STRN3: variants seen among roughly 807,000 people sequenced by gnomAD.
STRN3 encodes striatin-3.
In STRN3, 29 loss-of-function variants were observed where a neutral mutation model predicts 95.6. The observed-to-expected ratio is 0.30, with a 90% CI of 0.23 to 0.41. The LOEUF is 0.41. Ranked by LOEUF, STRN3 falls within the 10% of genes least tolerant of loss-of-function variation. The pLI, the probability that STRN3 is intolerant of heterozygous loss-of-function variation, is 1.00. For missense variants in STRN3, 890 were observed against 972.1 expected (o/e 0.92, Z 1.12); for synonymous variants, 331 against 357.6 (o/e 0.93, Z 0.84).
chr14:30,918,634 C>A (rs1370719460), intron 9 of STRN3, among the ~76,000 whole-genome samples: 2 of 151,926 alleles, frequency 1.3e-5, no homozygotes, highest in African/African-American at 4.8e-5. Context: ...GTAGTTTTTT[C>A]CATATGTATT....
At chr14:30,902,077 AG>A (rs1488022624) in intron 16 of STRN3, among the ~76,000 whole-genome samples, 1 of 145,002 alleles carries the variant, frequency 6.9e-6, no homozygotes, top group Non-Finnish European at 1.5e-5. Context: ...AGGCTGAGGC[AG>A]GATAATCGCT....
intron 1 of STRN3, among the ~76,000 whole-genome samples, chr14:30,957,259 C>T (rs1246499367): frequency 6.6e-6 from 1 of 152,082 alleles, no homozygotes; most frequent in Non-Finnish European, 1.5e-5. Flanking sequence ...TCGAGACCAT[C>T]CTGGCTAACA....
Position 30,933,265 on chromosome 14 carries a change from C to T in STRN3, c.988+1898G>A, listed in dbSNP as rs60843224. Among the ~76,000 whole-genome samples the T allele has an allele frequency of 5.2e-3, 491 of 94,920 alleles. 2 individuals are homozygous for T. The highest frequency in any genetic ancestry group is 0.019 in the African/African-American group (458 of 24,276). 62.3% of individuals were successfully genotyped at this position (94,920 alleles called of 152,430 possible). On this transcript the variant is annotated intron_variant, in intron 7 of 17. Transcript: ENST00000357479. Reference sequence around the variant, plus strand: ...CGGCACCCCAGCCTGGGCAATAAAGCGAGACCCTGTTTCATAAAAAAAAAA... The same window carrying T: ...CGGCACCCCAGCCTGGGCAATAAAGTGAGACCCTGTTTCATAAAAAAAAAA...
At chr14:31,021,053 T>C (rs1883482172) in intron 1 of STRN3, among the ~76,000 whole-genome samples, 1 of 152,062 alleles carries the variant, frequency 6.6e-6, no homozygotes. Context: ...TCACAGGCCA[T>C]ACGCAGGGGG....
At chr14:30,942,897 C>G (rs951384575) in intron 5 of STRN3, among the ~76,000 whole-genome samples, 3 of 152,162 alleles carry the variant, frequency 2.0e-5, no homozygotes, top group Admixed American at 1.3e-4. Flanking sequence ...ATTCCTTCCT[C>G]ACATCAATCC....
intron 1 of STRN3, among the ~76,000 whole-genome samples, chr14:30,966,519 G>C (rs1394305721): frequency 6.6e-6 from 1 of 152,146 alleles, no homozygotes. Flanking sequence ...TACCCAGTGC[G>C]AGGAATAACC....
intron 11 of STRN3, 48 bp downstream of exon 11, chr14:30,911,959 A>T (rs374693126): frequency 6.3e-7 from 1 of 1,583,804 alleles, no homozygotes; most frequent in Non-Finnish European, 8.6e-7. Flanking sequence ...AATTACTTAT[A>T]TTAGCAAAAT....
Position 30,947,172 on chromosome 14 carries a change from T to C in STRN3, c.634A>G (p.Asn212Asp), listed in dbSNP as rs1384429945. Residue 212 changes from asparagine to aspartate, a missense_variant, in exon 5 of 18, where the codon AAT becomes GAT. Physicochemically the swap from Asn to Asp is conservative, Grantham distance 23 (BLOSUM62 1). Coordinates refer to ENST00000357479, the MANE Select transcript of STRN3 (RefSeq NM_001083893.2). ...SLLGLSNSEP[N>D]GSVETKNLEQ... ...AAATTCTTTGTTTCTACTGATCCATTTGGTTCTGAATTAGATAGTCCAAGT... is the reference window on the plus strand; with the variant it reads ...AAATTCTTTGTTTCTACTGATCCATCTGGTTCTGAATTAGATAGTCCAAGT... The C allele has an allele frequency of 1.9e-6, 3 of 1,613,342 alleles. No homozygotes were observed. In the African/African-American group the frequency reaches 4.0e-5, roughly 22 times the overall value.
At chr14:30,993,488 T>C (rs1882059459) in intron 1 of STRN3, among the ~76,000 whole-genome samples, 1 of 152,180 alleles carries the variant, frequency 6.6e-6, no homozygotes, top group African/African-American at 2.4e-5. Flanking sequence ...TTCAAATGAC[T>C]TAAATATAAC....
At chr14:30,910,093 C>G (rs1330611296) in intron 13 of STRN3, among the ~76,000 whole-genome samples, 2 of 152,210 alleles carry the variant, frequency 1.3e-5, no homozygotes, top group African/African-American at 2.4e-5. Context: ...ACAACAGACA[C>G]AGTCACCTTT....
intron 1 of STRN3, among the ~76,000 whole-genome samples, chr14:31,014,281 C>T (rs562701432): frequency 6.6e-6 from 1 of 152,158 alleles, no homozygotes; most frequent in Admixed American, 6.6e-5. Flanking sequence ...AGTGCAGTGA[C>T]GTGATCTCGG....
chr14:30,913,705 C>T lies in STRN3; in HGVS notation c.1241-48G>A, dbSNP rs774710222. 21 of 1,583,750 alleles carry T rather than the reference C, an allele frequency of 1.3e-5. 1 individual carries two copies. The South Asian group carries it at 2.0e-4, about 15-fold the overall frequency. ...TTAAATGCTGAAAAATCATACAGTACAAGACAATATTGTGGGGAAAATTTA... is the reference window on the plus strand; with the variant it reads ...TTAAATGCTGAAAAATCATACAGTATAAGACAATATTGTGGGGAAAATTTA... On this transcript the variant is annotated intron_variant, in intron 9 of 17. Coordinates refer to ENST00000357479, the MANE Select transcript of STRN3 (RefSeq NM_001083893.2).
chr14:31,001,682 C>G (rs1418286913), intron 1 of STRN3, among the ~76,000 whole-genome samples: 1 of 152,152 alleles, frequency 6.6e-6, no homozygotes, highest in African/African-American at 2.4e-5. Context: ...CATTTGTACA[C>G]GTTATGTTCA....
At chr14:31,002,530 C>T (rs1195416564) in intron 1 of STRN3, among the ~76,000 whole-genome samples, 2 of 149,506 alleles carry the variant, frequency 1.3e-5, no homozygotes, top group African/African-American at 4.9e-5. Context: ...GTAATCCCAG[C>T]TACTCAGGAG....
At chr14:30,967,362 CAGAGAA>C (rs1041756082) in intron 1 of STRN3, among the ~76,000 whole-genome samples, 2 of 151,870 alleles carry the variant, frequency 1.3e-5, no homozygotes, top group Non-Finnish European at 2.9e-5. Flanking sequence ...CAAAGTCAAA[CAGAGAA>C]AGAGAAAAAT....
At chr14:30,927,162 T>C (rs527274307) in intron 8 of STRN3, among the ~76,000 whole-genome samples, 27 of 152,052 alleles carry the variant, frequency 1.8e-4, no homozygotes, top group African/African-American at 6.0e-4. Context: ...AAAAATAAAA[T>C]ATTAGCCAGG....
intron 8 of STRN3, among the ~76,000 whole-genome samples, chr14:30,927,577 T>C (rs1426091328): frequency 6.6e-6 from 1 of 151,220 alleles, no homozygotes; most frequent in African/African-American, 2.4e-5. Context: ...ATACTATATA[T>C]AAAATAAGCA....
chr14:30,900,686 T>C (rs1010098271), intron 16 of STRN3, among the ~76,000 whole-genome samples: 3 of 150,908 alleles, frequency 2.0e-5, no homozygotes, highest in African/African-American at 7.3e-5. Context: ...GAGGCGGAGG[T>C]TACAGTGAGC....
At chr14:30,944,448 CA>C (rs1317951991) in intron 5 of STRN3, among the ~76,000 whole-genome samples, 1 of 149,150 alleles carries the variant, frequency 6.7e-6, no homozygotes, top group Admixed American at 6.7e-5. Flanking sequence ...GAAAAAAATA[CA>C]CATACACACA....
Sources: gnomAD v4.1 joint callset for allele counts (sites outside exome capture counted in the v4.1 genomes callset) on GRCh38, gnomAD v4.1.1 for gene constraint, MANE v1.5 for transcripts, NCBI Gene and HGNC (gene_info 2026-07-23, HGNC 2026-07-21) for gene names.